The following COX6B1 variants were observed in gnomAD, a reference collection of about 807,000 sequenced individuals.
The protein encoded by COX6B1 is COX VIb-1.
In COX6B1, 2 loss-of-function variants were observed where a neutral mutation model predicts 14.0. The ratio of observed to expected loss-of-function variants is 0.14; its 90% CI spans 0.06 to 0.45. COX6B1 has a LOEUF of 0.45. Ranked by LOEUF, COX6B1 falls within the 20% of genes least tolerant of loss-of-function variation. COX6B1 has a pLI of 0.98. For missense variants in COX6B1, 81 were observed against 114.2 expected (o/e 0.71, Z 1.33); for synonymous variants, 30 against 39.7 (o/e 0.76, Z 0.92).
intron 3 of COX6B1, among the ~76,000 whole-genome samples, chr19:35,656,157 C>T (rs972843822): frequency 2.0e-5 from 3 of 152,288 alleles, no homozygotes; most frequent in Non-Finnish European, 2.9e-5. Flanking sequence ...AAAAATTACC[C>T]TTTAACTTGG....
At chr19:35,656,443 G>A (rs41361648) in intron 3 of COX6B1, among the ~76,000 whole-genome samples, 17,444 of 150,952 alleles carry the variant, frequency 0.12, 1,109 homozygotes, top group East Asian at 0.23. Flanking sequence ...GGCACATACC[G>A]CTGGCACTTA....
chr19:35,652,673 T>C (rs1332614085), intron 2 of COX6B1, among the ~76,000 whole-genome samples: 1 of 151,634 alleles, frequency 6.6e-6, no homozygotes, highest in East Asian at 1.9e-4. Flanking sequence ...CTTGAACTCC[T>C]GACCTCAGGT....
chr19:35,654,103 A>G (rs1300487239), intron 2 of COX6B1, among the ~76,000 whole-genome samples: 1 of 152,376 alleles, frequency 6.6e-6, no homozygotes, highest in East Asian at 1.9e-4. Context: ...AGATCCATAC[A>G]TGCTGTGGCA....
chr19:35,658,635 C>T lies in COX6B1; in HGVS notation c.249C>T (p.Pro83=), dbSNP rs374405819. 5.0e-5 allele frequency: 81 copies of T among 1,613,864 alleles called. No individual in the cohort carries two copies. The highest frequency in any genetic ancestry group is 2.0e-4 in the East Asian group (9 of 44,882). The part of the protein sequence containing the change: ...WDEQRAEGTF[P]GKI Reference sequence around the variant, plus strand: ...AGCAACGGGCTGAAGGCACGTTTCCCGGGAAGATCTGAACTGGCTGCATCT... The same window carrying T: ...AGCAACGGGCTGAAGGCACGTTTCCTGGGAAGATCTGAACTGGCTGCATCT... The change falls in exon 4 of 4, where the codon CCC becomes CCT. Residue 83 remains proline, a synonymous_variant. Transcript: ENST00000649813.
chr19:35,655,047 G>A (rs1451406661), intron 3 of COX6B1, among the ~76,000 whole-genome samples: 2 of 148,988 alleles, frequency 1.3e-5, no homozygotes, highest in Non-Finnish European at 3.0e-5. Context: ...TTTAGACAAG[G>A]GTCTTGCTGT....
At chr19:35,656,479 C>CT (rs371195079) in intron 3 of COX6B1, among the ~76,000 whole-genome samples, 12,851 of 122,544 alleles carry the variant, frequency 0.1, 852 homozygotes, top group East Asian at 0.21. Context: ...GTTGTTAGAC[C>CT]TTTTTTTTTT....
rs895929428 is a variant in COX6B1, at chr19:35,651,286, G to C, written c.43G>C (p.Ala15Pro). ...GACCAAAATCAAGAACTACAAGACC[G>C]CCCCTTTTGACAGCCGCTTCCCCAA... ...METKIKNYKT[A>P]PFDSRFPNQN... is the part of the protein sequence containing the mutation. Residue 15 changes from alanine to proline, a missense_variant, in exon 2 of 4, where the codon GCC becomes CCC. By Grantham distance (27) the Ala-to-Pro change is conservative. Coordinates refer to ENST00000649813, the MANE Select transcript of COX6B1 (RefSeq NM_001863.5). 1 of 1,613,844 alleles carries C rather than the reference G, an allele frequency of 6.2e-7. No homozygotes were observed. The highest frequency in any genetic ancestry group is 1.3e-5 in the African/African-American group (1 of 74,888).
chr19:35,648,641 A>C, intron 1 of COX6B1: 1 of 353,702 alleles, frequency 2.8e-6, no homozygotes, highest in Non-Finnish European at 5.6e-6. Context: ...CCTATGAGAT[A>C]GGGCCTGCGA....
chr19:35,654,422 T>C (rs1568343111), intron 2 of COX6B1, 149 bp from the exon 3 acceptor site: 6 of 687,328 alleles, frequency 8.7e-6, no homozygotes, highest in Non-Finnish European at 1.6e-5. Context: ...GGAGAATCAC[T>C]TGAACCCAGG....
intron 2 of COX6B1, among the ~76,000 whole-genome samples, chr19:35,652,374 C>A (rs1295986618): frequency 6.6e-6 from 1 of 152,010 alleles, no homozygotes; most frequent in Non-Finnish European, 1.5e-5. Flanking sequence ...GCACCCCGCT[C>A]TCCCCAGTAG....
intron 1 of COX6B1, among the ~76,000 whole-genome samples, chr19:35,650,887 C>T (rs1208835079): frequency 6.6e-6 from 1 of 152,088 alleles, no homozygotes; most frequent in Non-Finnish European, 1.5e-5. Context: ...GTTCCTTCCT[C>T]GTCTGGGCAA....
chr19:35,656,479 C>CTTT (rs371195079), intron 3 of COX6B1, among the ~76,000 whole-genome samples: 8 of 122,576 alleles, frequency 6.5e-5, no homozygotes, highest in Admixed American at 8.4e-5. Flanking sequence ...GTTGTTAGAC[C>CTTT]TTTTTTTTTT....
chr19:35,657,159 C>T (rs1438773923), intron 3 of COX6B1, among the ~76,000 whole-genome samples: 3 of 151,702 alleles, frequency 2.0e-5, no homozygotes, highest in Non-Finnish European at 4.4e-5. Flanking sequence ...TACAACTCAC[C>T]ATACTATAGA....
Position 35,655,917 on chromosome 19 carries a change from G to A in COX6B1, c.207+1246G>A, listed in dbSNP as rs375871113. ...CTGTTGCCCAGACTGGAGTGCAGTA[G>A]CATGATCTCAGCTCACTGCAGCCTC... On this transcript the variant is annotated intron_variant, in intron 3 of 3. Transcript: ENST00000649813. Among the ~76,000 whole-genome samples, 12 of 146,276 alleles carry A rather than the reference G, an allele frequency of 8.2e-5. No individual in the cohort carries two copies. The East Asian group carries it at 2.1e-3, about 26-fold the overall frequency.
chr19:35,650,249 C>A (rs145603498), intron 1 of COX6B1, among the ~76,000 whole-genome samples: 1 of 152,086 alleles, frequency 6.6e-6, no homozygotes, highest in Non-Finnish European at 1.5e-5. Flanking sequence ...GGTGATCCAC[C>A]CCCCTGGCCT....
rs61220012 is a variant in COX6B1, at chr19:35,651,394, G to A, written c.106+45G>A. 165,150 of 1,463,866 alleles carry A rather than the reference G, an allele frequency of 0.11. 10,270 individuals carry two copies. Among genetic ancestry groups the A allele is most frequent in the Admixed American group, 0.19 (11,301 of 58,768 alleles). 90.7% of individuals were successfully genotyped at this position (1,463,866 alleles called of 1,614,324 possible). ...GGCCACATACCTCGAGTCACTCACC[G>A]CTTGCCTCTTCCTAGGGGACCCATC... is the stretch of plus-strand genomic sequence containing the variant. On this transcript the variant is annotated intron_variant, in intron 2 of 3. Coordinates refer to ENST00000649813, the MANE Select transcript of COX6B1 (RefSeq NM_001863.5).
rs1352695805 is a variant in COX6B1 at position 35,648,981 on chromosome 19, GT to G, written c.-12+582del. ...CACCCCACTTCCCCACCGAAAGACT[GT>G]TTTAGTGCTCCAGACCCCCACCACC... On this transcript the variant is annotated intron_variant, in intron 1 of 3. Transcript: ENST00000649813. 28 of 528,786 alleles carry G rather than the reference GT, an allele frequency of 5.3e-5. No individual in the cohort carries two copies. The Admixed American group carries it at 5.5e-4, about 10-fold the overall frequency. The allele number at this position is 528,786 out of a possible 1,614,324, so 32.8% of individuals were successfully genotyped here. A position where few individuals can be genotyped will look rare whatever the true frequency, so the allele number is the denominator to read the frequency against.
intron 2 of COX6B1, among the ~76,000 whole-genome samples, chr19:35,652,892 G>C (rs970135382): frequency 6.6e-6 from 1 of 151,706 alleles, no homozygotes; most frequent in Non-Finnish European, 1.5e-5. Flanking sequence ...TCTGCCTCCC[G>C]GGTTCAAGTG....
At chr19:35,657,946 C>G (rs1238792211) in intron 3 of COX6B1, among the ~76,000 whole-genome samples, 1 of 152,080 alleles carries the variant, frequency 6.6e-6, no homozygotes, top group East Asian at 1.9e-4. Flanking sequence ...CGTGAGCCAC[C>G]ATGCCCGGCT....
Sources: allele counts gnomAD v4.1 joint callset (sites outside exome capture counted in the v4.1 genomes callset), GRCh38; gene constraint gnomAD v4.1.1; transcripts MANE v1.5; gene names NCBI Gene and HGNC (gene_info 2026-07-23, HGNC 2026-07-21).